The following DOCK6 variants were observed in gnomAD, a reference collection of about 807,000 sequenced individuals.
The protein encoded by DOCK6 is dedicator of cytokinesis protein 6.
DOCK6 carries 167 observed loss-of-function variants against 230.3 expected under a neutral mutation model. The observed-to-expected ratio is 0.73, with a 90% CI of 0.64 to 0.82. The LOEUF (loss-of-function observed/expected upper bound fraction) is 0.82, where lower values mean the gene tolerates loss of function less well. Among genes scored for constraint, DOCK6 ranks in the 40% least tolerant of loss-of-function variants. The pLI is 0.00. For missense variants in DOCK6, 2,598 were observed against 2,825.8 expected, an observed-to-expected ratio of 0.92 and a Z score of 1.83; for synonymous variants, 1,148 against 1,185.0, an observed-to-expected ratio of 0.97 and a Z score of 0.64.
intron 1 of DOCK6, among the ~76,000 whole-genome samples, chr19:11,257,150 C>T (rs60342583): frequency 0.013 from 1,032 of 77,428 alleles, 12 homozygotes; most frequent in African/African-American, 0.039. Flanking sequence ...CCATGCTTGG[C>T]TAATTATTAT....
In DOCK6 at chr19:11,222,841, G is replaced by A; in HGVS notation, c.3134C>T (p.Thr1045Ile). 6.2e-7 allele frequency: 1 copy of A among 1,601,790 alleles called. No individual in the cohort carries two copies. Among genetic ancestry groups the A allele is most frequent in the Non-Finnish European group, 8.5e-7 (1 of 1,174,634 alleles). ...AALLTLRMEFTRILCSHEHYV... is the reference protein window; with the variant it reads ...AALLTLRMEFIRILCSHEHYV... ...GTGCTCGTGGCTGCACAGGATGCGG[G>A]TGAATTCCATGCGCAGGGTCAGCAG... The change falls in exon 26 of 48, where the codon ACC (threonine) becomes ATC (isoleucine). Residue 1045 changes from threonine to isoleucine, a missense_variant. Physicochemically the swap from Thr to Ile is moderately conservative, Grantham distance 89. Transcript: ENST00000294618. This position sits in a 1 kb window ranked among gnomAD's most constrained non-coding sequence, Gnocchi z 4.0.
At chr19:11,208,569 G>A (rs1423003638) in intron 39 of DOCK6, 117 bp downstream of exon 39, 47 of 1,415,864 alleles carry the variant, frequency 3.3e-5, no homozygotes, top group South Asian at 2.3e-4. Context: ...GTGAGCCACC[G>A]CGCCCAGCCT....
At position 11,237,558 on chromosome 19, in the gene DOCK6, C is replaced by A; in HGVS notation, c.1972-1G>T. The A allele has an allele frequency of 1.5e-6, 2 of 1,366,278 alleles. No individual in the cohort carries two copies. The highest frequency in any genetic ancestry group is 1.9e-6 in the Non-Finnish European group (2 of 1,030,956). 84.6% of individuals were successfully genotyped at this position (1,366,278 alleles called of 1,614,324 possible). On this transcript the variant is annotated splice_acceptor_variant, in intron 17 of 47. Coordinates refer to ENST00000294618, the MANE Select transcript of DOCK6 (RefSeq NM_020812.4). LOFTEE classifies it high-confidence loss of function. ...GCCCGTGCTGCAGCAGTGGGATCCA[C>A]TGGGGAGAGGCTGGAGGTCAGGTCT...
chr19:11,230,880 G>A (rs1333953741), intron 22 of DOCK6, among the ~76,000 whole-genome samples: 3 of 152,084 alleles, frequency 2.0e-5, no homozygotes, highest in African/African-American at 7.2e-5. Context: ...GTTAGGGGGT[G>A]AGGCTGCTCG....
chr19:11,240,311 C>T (rs2079923047), intron 14 of DOCK6: 3 of 1,545,356 alleles, frequency 1.9e-6, no homozygotes, highest in African/African-American at 1.4e-5. Context: ...GGAGCTCCCC[C>T]AACCCTAGTG....
Position 11,252,236 on chromosome 19 carries a change from C to A in DOCK6, c.390G>T (p.Leu130=). Residue 130 remains leucine (L), a synonymous_variant, in exon 5 of 48, where the codon CTG becomes CTT. Coordinates refer to ENST00000294618, the MANE Select transcript of DOCK6 (RefSeq NM_020812.4). ...WVIVHRRYQY[L]SAAYSPVTTD... is the part of the protein sequence containing the mutation. ...TGGTGACGGGGCTGTATGCTGCACTCAGGTACTGATACCTAGCAGGAAACG... is the reference window on the plus strand; with the variant it reads ...TGGTGACGGGGCTGTATGCTGCACTAAGGTACTGATACCTAGCAGGAAACG... The A allele has an allele frequency of 6.3e-7, 1 of 1,584,486 alleles. No individual in the cohort carries two copies. The highest frequency in any genetic ancestry group is 1.1e-5 in the South Asian group (1 of 86,974).
rs1372632130 is a variant in DOCK6 at position 11,245,945 on chromosome 19, C to G, written c.807-67G>C. ...CCGCTGTCCACACACCCCACTCCCT[C>G]TTGAGGCCCAAGGTGGGGGGCATCT... On this transcript the variant is annotated intron_variant, in intron 7 of 47. Coordinates refer to ENST00000294618, the MANE Select transcript of DOCK6 (RefSeq NM_020812.4). 3.3e-6 allele frequency: 5 copies of G among 1,534,486 alleles called. No homozygotes were observed. In the East Asian group the frequency reaches 9.8e-5, roughly 30 times the overall value.
At position 11,217,259 on chromosome 19, in the gene DOCK6, C is replaced by G. The variant is rs777390263; in HGVS notation, c.3683G>C (p.Arg1228Pro). The change falls in exon 29 of 48, where the codon CGG (arginine) becomes CCG (proline). Residue 1228 changes from arginine to proline, a missense_variant. Arg to Pro is a moderately radical substitution (Grantham distance 103). Coordinates refer to ENST00000294618, the MANE Select transcript of DOCK6 (RefSeq NM_020812.4). The stretch of plus-strand genomic sequence containing the variant: ...TGGTGGCCCCTGGGAGATGCTGGCC[C>G]GGGAGCCAGGGGCTAGGGGGCCACC... ...IAGGPLAPGSRASISQGPPTA... is the reference protein window; with the variant it reads ...IAGGPLAPGSPASISQGPPTA... 1 of 1,612,680 alleles carries G rather than the reference C, an allele frequency of 6.2e-7. No individual in the cohort carries two copies. The highest frequency in any genetic ancestry group is 8.5e-7 in the Non-Finnish European group (1 of 1,179,538).
chr19:11,224,161 T>G (rs1348832356), intron 24 of DOCK6, among the ~76,000 whole-genome samples: 1 of 151,086 alleles, frequency 6.6e-6, no homozygotes, highest in Non-Finnish European at 1.5e-5. Context: ...AGTTTTGCAA[T>G]TACTTTCAAT....
At chr19:11,211,000 C>A (rs900044818) in intron 37 of DOCK6, among the ~76,000 whole-genome samples, 2 of 151,812 alleles carry the variant, frequency 1.3e-5, no homozygotes, top group Admixed American at 1.3e-4. Context: ...CACTCACCTG[C>A]CTGTCCAACC....
At chr19:11,209,837 AC>A (rs1568672760) in intron 37 of DOCK6, among the ~76,000 whole-genome samples, 10 of 54,302 alleles carry the variant, frequency 1.8e-4, no homozygotes, top group South Asian at 7.2e-4. Flanking sequence ...TCACCTGTCC[AC>A]CCCCTCACCT....
At chr19:11,218,932 G>A (rs2079537755) in intron 28 of DOCK6, among the ~76,000 whole-genome samples, 1 of 138,970 alleles carries the variant, frequency 7.2e-6, no homozygotes, top group South Asian at 2.3e-4. Flanking sequence ...AGGCTGGAGT[G>A]CAGTAGAATG....
At chr19:11,233,527 G>A (rs533250026) in intron 21 of DOCK6, among the ~76,000 whole-genome samples, 161 bp from the exon 22 acceptor site, 13 of 152,050 alleles carry the variant, frequency 8.5e-5, no homozygotes, top group African/African-American at 2.2e-4. Flanking sequence ...ACAGAGATTG[G>A]GGGGGCACTG....
At position 11,217,215 on chromosome 19, in the gene DOCK6, A is replaced by G. The variant is rs1302139293; in HGVS notation, c.3711+16T>C. ...CAAAGTGGATGATGTCTATGGGGAC[A>G]AGCCTCCCTACTCACCGTTGGTGGC... On this transcript the variant is annotated intron_variant, in intron 29 of 47. Coordinates refer to ENST00000294618, the MANE Select transcript of DOCK6 (RefSeq NM_020812.4). 1.2e-6 allele frequency: 2 copies of G among 1,610,036 alleles called. No homozygotes were observed. Among genetic ancestry groups the G allele is most frequent in the East Asian group, 4.5e-5 (2 of 44,812 alleles).
At chr19:11,253,015 A>T in intron 2 of DOCK6, 57 bp from the exon 3 acceptor site, 1 of 1,528,500 alleles carries the variant, frequency 6.5e-7, no homozygotes, top group Non-Finnish European at 8.9e-7. Context: ...GAGTGGGGGC[A>T]CGAGGCAGGG....
chr19:11,213,427 T>G, intron 34 of DOCK6, 99 bp from the exon 35 acceptor site: 1 of 1,491,898 alleles, frequency 6.7e-7, no homozygotes, highest in South Asian at 1.2e-5. Context: ...GGGGTTTGTG[T>G]TCTGTCCTCT....
chr19:11,210,623 CCCT>C (rs1473198062), intron 37 of DOCK6, among the ~76,000 whole-genome samples: 1 of 148,494 alleles, frequency 6.7e-6, no homozygotes, highest in Non-Finnish European at 1.5e-5. Flanking sequence ...CCTGTCTGTC[CCCT>C]CACCTGTTCA....
At chr19:11,252,583 C>G in intron 3 of DOCK6, 33 bp from the exon 4 acceptor site, 1 of 1,613,630 alleles carries the variant, frequency 6.2e-7, no homozygotes, top group Non-Finnish European at 8.5e-7. Context: ...TAAACAGAGA[C>G]AAGGCCTCTG....
chr19:11,260,399 G>A (rs2080265935), intron 1 of DOCK6, among the ~76,000 whole-genome samples: 1 of 152,060 alleles, frequency 6.6e-6, no homozygotes, highest in Admixed American at 6.6e-5. Flanking sequence ...GGGCAAGATA[G>A]TGAGATCCCG....
Sources: allele counts gnomAD v4.1 joint callset (sites outside exome capture counted in the v4.1 genomes callset), GRCh38; gene constraint gnomAD v4.1.1; non-coding constraint Gnocchi (gnomAD v3.1); transcripts MANE v1.5; gene names NCBI Gene and HGNC (gene_info 2026-07-23, HGNC 2026-07-21).